The following BMPR1A variants were observed in gnomAD, a reference collection of about 807,000 sequenced individuals.
BMPR1A encodes bone morphogenetic protein receptor type 1A, also known as bone morphogenetic protein receptor type-1A.
A neutral mutation model predicts 66.0 loss-of-function variants in BMPR1A; 7 were observed. That is an observed-to-expected ratio of 0.11 (90% confidence interval 0.06 to 0.20). BMPR1A has a LOEUF of 0.20. Among genes scored for constraint, BMPR1A ranks in the 10% least tolerant of loss-of-function variants. BMPR1A has a pLI of 1.00. For synonymous variants in BMPR1A, 200 were observed against 229.7 expected, an observed-to-expected ratio of 0.87 and a Z score of 1.17; for missense variants, 408 against 669.1, an observed-to-expected ratio of 0.61 and a Z score of 4.31.
chr10:86,785,863 T>C (rs1841507051), intron 1 of BMPR1A, among the ~76,000 whole-genome samples: 1 of 152,190 alleles, frequency 6.6e-6, no homozygotes, highest in African/African-American at 2.4e-5. Context: ...TGATTGGCCT[T>C]ACCACTAATT....
chr10:86,844,457 A>G (rs558811558), intron 2 of BMPR1A, among the ~76,000 whole-genome samples: 1 of 152,340 alleles, frequency 6.6e-6, no homozygotes, highest in Admixed American at 6.5e-5. Flanking sequence ...GTAGAATTCG[A>G]TGGTTCCATA....
intron 1 of BMPR1A, among the ~76,000 whole-genome samples, chr10:86,813,727 CT>C (rs1331429424): frequency 1.3e-5 from 2 of 152,154 alleles, no homozygotes; most frequent in Non-Finnish European, 2.9e-5. Flanking sequence ...ATTATGCGCC[CT>C]TGTATTCTGT....
chr10:86,849,173 T>G (rs1842531294), intron 2 of BMPR1A, among the ~76,000 whole-genome samples: 1 of 152,228 alleles, frequency 6.6e-6, no homozygotes, highest in East Asian at 1.9e-4. Flanking sequence ...CTACACTTAA[T>G]CATTCTTTAT....
At chr10:86,885,956 C>T (rs1250682716) in intron 3 of BMPR1A, among the ~76,000 whole-genome samples, 1 of 152,050 alleles carries the variant, frequency 6.6e-6, no homozygotes, top group Non-Finnish European at 1.5e-5. Flanking sequence ...GTAAATGTGC[C>T]TGTGTATGGT....
At chr10:86,781,498 G>A (rs770510118) in intron 1 of BMPR1A, among the ~76,000 whole-genome samples, 9 of 152,122 alleles carry the variant, frequency 5.9e-5, no homozygotes, top group Non-Finnish European at 1.3e-4. Context: ...GGTTGCTTTG[G>A]TTATTCGGGG....
intron 4 of BMPR1A, among the ~76,000 whole-genome samples, chr10:86,891,253 G>A: frequency 6.6e-6 from 1 of 152,142 alleles, no homozygotes; most frequent in East Asian, 1.9e-4. Context: ...TCTCTGCTAT[G>A]TCACCAAATA....
chr10:86,863,796 A>AGAATATGCTTAGAGAATAT (rs1554885629), intron 2 of BMPR1A, among the ~76,000 whole-genome samples: 111 of 152,286 alleles, frequency 7.3e-4, no homozygotes, highest in Admixed American at 1.1e-3. Context: ...TTAGTGTAAG[A>AGAATATGCTTAGAGAATAT]GCCTCTACTC....
chr10:86,773,049 G>C (rs966120292), intron 1 of BMPR1A, among the ~76,000 whole-genome samples: 1 of 151,750 alleles, frequency 6.6e-6, no homozygotes, highest in Non-Finnish European at 1.5e-5. Context: ...GGAATATAAG[G>C]AACTTGAAAT....
intron 2 of BMPR1A, among the ~76,000 whole-genome samples, chr10:86,863,775 A>G (rs1192402966): frequency 6.6e-6 from 1 of 152,192 alleles, no homozygotes; most frequent in Non-Finnish European, 1.5e-5. Flanking sequence ...GGCAGGGAAG[A>G]TAGAATATGC....
chr10:86,801,723 T>C (rs1483001560), intron 1 of BMPR1A, among the ~76,000 whole-genome samples: 3 of 151,692 alleles, frequency 2.0e-5, no homozygotes, highest in Non-Finnish European at 2.9e-5. Flanking sequence ...GCCTTATTCT[T>C]TTTTTTGTGA....
At chr10:86,811,031 T>C (rs1841962741) in intron 1 of BMPR1A, among the ~76,000 whole-genome samples, 1 of 152,112 alleles carries the variant, frequency 6.6e-6, no homozygotes. Context: ...CGGCCCGTTT[T>C]TGGTTTTTTT....
intron 2 of BMPR1A, among the ~76,000 whole-genome samples, chr10:86,866,646 G>A (rs1842791875): frequency 6.6e-6 from 1 of 150,924 alleles, no homozygotes; most frequent in Non-Finnish European, 1.5e-5. Context: ...CTGACCTCGT[G>A]AGCCACCATG....
intron 1 of BMPR1A, among the ~76,000 whole-genome samples, chr10:86,809,176 A>G (rs541619688): frequency 6.6e-6 from 1 of 152,328 alleles, no homozygotes; most frequent in East Asian, 1.9e-4. Flanking sequence ...CATAAAATTT[A>G]CCATCTTAAC....
chr10:86,924,360 A>G lies in BMPR1A; in HGVS notation c.*641A>G, dbSNP rs1234049470. 2 of 235,680 alleles carry G rather than the reference A, an allele frequency of 8.5e-6. No homozygotes were observed. Among genetic ancestry groups the G allele is most frequent in the African/African-American group, 2.2e-5 (1 of 45,354 alleles). 14.6% of individuals were successfully genotyped at this position (235,680 alleles called of 1,614,324 possible). On this transcript the variant is annotated 3_prime_UTR_variant, in exon 13 of 13. Transcript: ENST00000372037. ...GGTGGTTTTGTGCTTTAAAAATGCA[A>G]TATCTGACCAAGATTCGCCAATCTC...
intron 7 of BMPR1A, among the ~76,000 whole-genome samples, chr10:86,907,156 G>A (rs946116844): frequency 2.0e-5 from 3 of 152,238 alleles, no homozygotes; most frequent in Non-Finnish European, 4.4e-5. Context: ...CACAAGTGCT[G>A]TCTGACACTT....
At chr10:86,832,590 A>G (rs1036404607) in intron 1 of BMPR1A, among the ~76,000 whole-genome samples, 1 of 151,912 alleles carries the variant, frequency 6.6e-6, no homozygotes, top group Non-Finnish European at 1.5e-5. Context: ...ACTGCCTTCT[A>G]CCTCCTCATC....
intron 1 of BMPR1A, among the ~76,000 whole-genome samples, chr10:86,795,947 A>T (rs972198495): frequency 1.3e-5 from 2 of 152,204 alleles, no homozygotes; most frequent in Non-Finnish European, 2.9e-5. Context: ...GGAAAAAAAT[A>T]ACTTTCTTGG....
chr10:86,776,534 T>C (rs1289476267), intron 1 of BMPR1A, among the ~76,000 whole-genome samples: 1 of 152,170 alleles, frequency 6.6e-6, no homozygotes, highest in Non-Finnish European at 1.5e-5. Flanking sequence ...GGACACTGAT[T>C]GTTTTTTGTA....
At chr10:86,904,007 G>A (rs555575557) in intron 7 of BMPR1A, among the ~76,000 whole-genome samples, 8 of 152,282 alleles carry the variant, frequency 5.3e-5, no homozygotes, top group Non-Finnish European at 8.8e-5. Flanking sequence ...GGGTTCAAGC[G>A]ATTCTCGTGC....
Sources: allele counts gnomAD v4.1 joint callset (sites outside exome capture counted in the v4.1 genomes callset), GRCh38; gene constraint gnomAD v4.1.1; transcripts MANE v1.5; gene names NCBI Gene and HGNC (gene_info 2026-07-23, HGNC 2026-07-21).